The following SLCO1A2 variants were observed in gnomAD, a reference collection of about 807,000 sequenced individuals.
The protein encoded by SLCO1A2 is OATP-1.
SLCO1A2 carries 67 observed loss-of-function variants against 69.0 expected under a neutral mutation model. That is an observed-to-expected ratio of 0.97 (90% CI 0.80 to 1.19). SLCO1A2 has a LOEUF of 1.19. SLCO1A2 is among the 50% of genes most tolerant of loss of function. SLCO1A2 has a pLI of 0.00. For missense variants in SLCO1A2, 787 were observed against 793.7 expected, an observed-to-expected ratio of 0.99 and a Z score of 0.10; for synonymous variants, 260 against 265.9, an observed-to-expected ratio of 0.98 and a Z score of 0.22.
At chr12:21,391,038 T>C (rs910039610) in intron 1 of SLCO1A2, among the ~76,000 whole-genome samples, 4 of 152,166 alleles carry the variant, frequency 2.6e-5, no homozygotes, top group African/African-American at 9.6e-5. Context: ...GTTTTCTGTC[T>C]TACAAGAAAC....
chr12:21,418,398 C>T (rs1386925212), upstream of SLCO1A2, among the ~76,000 whole-genome samples: 1 of 152,120 alleles, frequency 6.6e-6, no homozygotes, highest in Non-Finnish European at 1.5e-5. Context: ...ATTGAACAGT[C>T]ATTGTATTAG....
chr12:21,350,159 G>A (rs1460640469), intron 2 of SLCO1A2, among the ~76,000 whole-genome samples: 1 of 152,032 alleles, frequency 6.6e-6, no homozygotes. Flanking sequence ...ATATTTCAAT[G>A]GCAATTAAGT....
intron 2 of SLCO1A2, among the ~76,000 whole-genome samples, chr12:21,353,458 T>A (rs1035991621): frequency 1.3e-5 from 2 of 151,136 alleles, no homozygotes; most frequent in African/African-American, 4.9e-5. Context: ...TCTTTATTTT[T>A]GGGATGGTGC....
intron 1 of SLCO1A2, among the ~76,000 whole-genome samples, chr12:21,405,358 G>T (rs2900484): frequency 6.6e-6 from 1 of 151,482 alleles, no homozygotes; most frequent in African/African-American, 2.4e-5. Context: ...TATAGTTTTG[G>T]GTTTTACATT....
chr12:21,287,490 A>G (rs1197216606), intron 12 of SLCO1A2, among the ~76,000 whole-genome samples: 12 of 139,926 alleles, frequency 8.6e-5, no homozygotes, highest in African/African-American at 3.4e-4. Flanking sequence ...ATACCATTTG[A>G]CCCAGCCATC....
intron 2 of SLCO1A2, among the ~76,000 whole-genome samples, chr12:21,368,834 A>T (rs890046889): frequency 6.6e-5 from 10 of 152,158 alleles, no homozygotes; most frequent in Non-Finnish European, 1.3e-4. Flanking sequence ...AATTTATTAA[A>T]CTATTTTACG....
intron 6 of SLCO1A2, among the ~76,000 whole-genome samples, chr12:21,303,273 A>G (rs1948948911): frequency 1.3e-5 from 2 of 152,190 alleles, no homozygotes; most frequent in African/African-American, 4.8e-5. Context: ...ACACCATAGT[A>G]TTTGTTGAAT....
intron 2 of SLCO1A2, chr12:21,324,814 T>C (rs1401333733): frequency 6.6e-6 from 1 of 152,182 alleles, no homozygotes; most frequent in Admixed American, 6.6e-5. Flanking sequence ...CCAGGCACTG[T>C]AGAATCTAGC....
chr12:21,308,592 T>C (rs1457879774), intron 4 of SLCO1A2, among the ~76,000 whole-genome samples: 1 of 151,922 alleles, frequency 6.6e-6, no homozygotes, highest in East Asian at 1.9e-4. Flanking sequence ...AGAAAGGCAA[T>C]ACAAAAAAAA....
In SLCO1A2 at chr12:21,269,193, G is replaced by A. The variant is rs1162254294; in HGVS notation, c.*355C>T. ...ATTCCAATATCAAAGAACAAATTTA[G>A]TGGAATTAAATAGGTTTTCATAACA... On this transcript the variant is annotated 3_prime_UTR_variant, in exon 15 of 15. Transcript: ENST00000683939. The A allele has an allele frequency of 6.3e-6, 1 of 159,428 alleles. No individual in the cohort carries two copies. Among genetic ancestry groups the A allele is most frequent in the African/African-American group, 2.4e-5 (1 of 41,704 alleles). 9.9% of individuals were successfully genotyped at this position (159,428 alleles called of 1,614,324 possible).
At chr12:21,410,191 A>G (rs1202830029) in intron 1 of SLCO1A2, among the ~76,000 whole-genome samples, 1 of 152,198 alleles carries the variant, frequency 6.6e-6, no homozygotes, top group Non-Finnish European at 1.5e-5. Flanking sequence ...TCTCTAGATC[A>G]ATCTTGAGTC....
intron 2 of SLCO1A2, among the ~76,000 whole-genome samples, chr12:21,351,040 C>A (rs1937910404): frequency 6.6e-6 from 1 of 152,064 alleles, no homozygotes; most frequent in African/African-American, 2.4e-5. Context: ...AGCAACAACA[C>A]AGCCTGTATT....
chr12:21,308,777 T>A (rs1041509305), intron 4 of SLCO1A2, among the ~76,000 whole-genome samples: 1 of 152,222 alleles, frequency 6.6e-6, no homozygotes, highest in African/African-American at 2.4e-5. Context: ...AGTCCCTGCG[T>A]AATGACTCTA....
rs149132524 is a variant in SLCO1A2 at position 21,351,756 on chromosome 12, C to A, written c.-62-17047G>T. Among the ~76,000 whole-genome samples, 31 of 145,632 alleles carry A rather than the reference C, an allele frequency of 2.1e-4. No homozygotes were observed. The East Asian group carries it at 4.7e-3, about 22-fold the overall frequency. On this transcript the variant is annotated intron_variant, in intron 2 of 15. Coordinates refer to the SLCO1A2 transcript ENST00000307378. ...TCACGCCATTGCACTCCAGCCTGGG[C>A]AACAAGAGCAAAATTCCGTCTCAAA... is the stretch of plus-strand genomic sequence containing the variant.
chr12:21,328,008 G>C (rs1001731592), intron 2 of SLCO1A2, among the ~76,000 whole-genome samples: 3 of 152,018 alleles, frequency 2.0e-5, no homozygotes, highest in Non-Finnish European at 2.9e-5. Flanking sequence ...GAAACATGGG[G>C]GTGAGTTTTT....
chr12:21,275,292 A>C, intron 13 of SLCO1A2, 68 bp downstream of exon 13: 1 of 1,360,364 alleles, frequency 7.4e-7, no homozygotes, highest in Non-Finnish European at 9.9e-7. Flanking sequence ...CTAAAACTTA[A>C]AGTGTAATAA....
intron 2 of SLCO1A2, chr12:21,373,825 T>C: frequency 1.7e-6 from 1 of 576,978 alleles, no homozygotes; most frequent in African/African-American, 1.9e-5. Flanking sequence ...ATTCTTTTTG[T>C]ATATATTACT....
At chr12:21,413,237 C>CTTTTTTTTTTTTTTTTTTTTTTTTTTTT (rs3983534) in intron 1 of SLCO1A2, among the ~76,000 whole-genome samples, 21 of 99,462 alleles carry the variant, frequency 2.1e-4, no homozygotes, top group African/African-American at 3.6e-4. Context: ...TTTTCTTTTT[C>CTTTTTTTTTTTTTTTTTTTTTTTTTTTT]TTTTTTTTTT....
In SLCO1A2 at chr12:21,264,893, A is replaced by C. The variant is rs2136000665; in HGVS notation, c.*4655T>G. Reference sequence around the variant, plus strand: ...TGGCGTCTAGAGGGGAAGGGGCAGAAGTGTGCAGAGGTGTGGGGAATGGTG... The same window carrying C: ...TGGCGTCTAGAGGGGAAGGGGCAGACGTGTGCAGAGGTGTGGGGAATGGTG... On this transcript the variant is annotated 3_prime_UTR_variant, in exon 15 of 15. Coordinates refer to ENST00000683939, the MANE Select transcript of SLCO1A2 (RefSeq NM_001386879.1). 6.5e-6 allele frequency: 1 copy of C among 152,716 alleles called. No individual in the cohort carries two copies. Among genetic ancestry groups the C allele is most frequent in the East Asian group, 1.9e-4 (1 of 5,178 alleles). 9.5% of individuals were successfully genotyped at this position (152,716 alleles called of 1,614,324 possible).
Sources: allele counts gnomAD v4.1 joint callset (sites outside exome capture counted in the v4.1 genomes callset), GRCh38; gene constraint gnomAD v4.1.1; transcripts MANE v1.5; gene names NCBI Gene and HGNC (gene_info 2026-07-23, HGNC 2026-07-21).